Variants in CADM2 observed in about 807,000 individuals in gnomAD.
The protein encoded by CADM2 is cell adhesion molecule 2, also known as immunoglobulin superfamily member 4D.
In CADM2, 12 loss-of-function variants were observed where a neutral mutation model predicts 49.8. That is an observed-to-expected ratio of 0.24 (90% CI 0.15 to 0.39). The LOEUF is 0.39. Among genes scored for constraint, CADM2 ranks in the 10% least tolerant of loss-of-function variants. CADM2 has a pLI of 1.00. For synonymous variants in CADM2, 214 were observed against 175.4 expected (o/e 1.22, Z -1.74); for missense variants, 378 against 492.3 (o/e 0.77, Z 2.20).
In CADM2 at chr3:85,327,209, T is replaced by C. The variant is rs1275385877; in HGVS notation, c.61+367541T>C. ...GGGAGAATCATTGATGTCTCTCTCT[T>C]TATCTATATAAATATGTTAAACACA... On this transcript the variant is annotated intron_variant, in intron 1 of 9. Coordinates refer to ENST00000383699, the MANE Select transcript of CADM2 (RefSeq NM_001167675.2). Among the ~76,000 whole-genome samples the C allele has an allele frequency of 2.6e-5, 4 of 152,090 alleles. No homozygotes were observed. In the East Asian group the frequency reaches 7.7e-4, roughly 29 times the overall value.
intron 1 of CADM2, among the ~76,000 whole-genome samples, chr3:85,205,081 A>T (rs1369994778): frequency 6.7e-6 from 1 of 149,770 alleles, no homozygotes; most frequent in African/African-American, 2.5e-5. Flanking sequence ...GCAGTAGTGT[A>T]ATCGTGGCTC....
At chr3:85,297,995 G>A (rs187685661) in intron 1 of CADM2, among the ~76,000 whole-genome samples, 2 of 152,080 alleles carry the variant, frequency 1.3e-5, no homozygotes, top group Admixed American at 6.6e-5. Context: ...ATGAAGGTGG[G>A]CTTTATCCTG....
intron 1 of CADM2, among the ~76,000 whole-genome samples, chr3:85,161,580 A>T (rs2040325813): frequency 6.6e-6 from 1 of 151,862 alleles, no homozygotes; most frequent in Non-Finnish European, 1.5e-5. Context: ...TTAATGTATA[A>T]AAAAAAATGA....
At chr3:85,578,289 G>A (rs942019585) in intron 1 of CADM2, among the ~76,000 whole-genome samples, 7 of 152,108 alleles carry the variant, frequency 4.6e-5, no homozygotes, top group African/African-American at 1.7e-4. Context: ...TGAAGAGTGT[G>A]TTCTAAAATG....
chr3:85,166,123 G>C (rs1291031556), intron 1 of CADM2, among the ~76,000 whole-genome samples: 1 of 151,656 alleles, frequency 6.6e-6, no homozygotes, highest in Non-Finnish European at 1.5e-5. Flanking sequence ...AAAATCTGTA[G>C]TCCTGATAAC....
At chr3:85,649,536 C>T (rs776628056) in intron 1 of CADM2, among the ~76,000 whole-genome samples, 40 of 152,254 alleles carry the variant, frequency 2.6e-4, no homozygotes, top group Non-Finnish European at 5.4e-4. Flanking sequence ...ACCCAGACAA[C>T]TGTAATGTCA....
At chr3:85,400,463 T>C (rs1009681319) in intron 1 of CADM2, among the ~76,000 whole-genome samples, 1 of 152,206 alleles carries the variant, frequency 6.6e-6, no homozygotes, top group African/African-American at 2.4e-5. Context: ...ACTGGCCTCA[T>C]AAAATGAGTT....
intron 1 of CADM2, among the ~76,000 whole-genome samples, chr3:85,724,013 G>A (rs1390371726): frequency 6.6e-6 from 1 of 151,510 alleles, no homozygotes; most frequent in Non-Finnish European, 1.5e-5. Context: ...AAATAACTCA[G>A]TCTTAAAAAC....
At chr3:85,906,305 C>T (rs1016595338) in intron 5 of CADM2, among the ~76,000 whole-genome samples, 2 of 151,734 alleles carry the variant, frequency 1.3e-5, no homozygotes, top group African/African-American at 2.4e-5. Flanking sequence ...TGTAGATCTG[C>T]GAAATAACAT....
intron 1 of CADM2, among the ~76,000 whole-genome samples, chr3:85,171,878 AC>A (rs1040921124): frequency 2.0e-5 from 3 of 152,222 alleles, no homozygotes; most frequent in African/African-American, 7.2e-5. Context: ...TACATTATAT[AC>A]TGTACCAAAC....
intron 1 of CADM2, among the ~76,000 whole-genome samples, chr3:85,683,220 A>G (rs368085078): frequency 3.5e-5 from 5 of 142,222 alleles, no homozygotes; most frequent in Non-Finnish European, 8.1e-5. Context: ...TCTCTCTTGA[A>G]GGAAAAAAAA....
chr3:85,204,364 C>T (rs981740084), intron 1 of CADM2, among the ~76,000 whole-genome samples: 2 of 152,134 alleles, frequency 1.3e-5, no homozygotes, highest in African/African-American at 2.4e-5. Flanking sequence ...CCTTGCCACT[C>T]TACCCTTCAG....
intron 7 of CADM2, among the ~76,000 whole-genome samples, chr3:85,951,739 A>G (rs1267277322): frequency 6.6e-6 from 1 of 151,096 alleles, no homozygotes; most frequent in Non-Finnish European, 1.5e-5. Context: ...GCACACTTGC[A>G]TGATGACTTC....
intron 5 of CADM2, among the ~76,000 whole-genome samples, chr3:85,892,065 T>A (rs1714514989): frequency 6.6e-6 from 1 of 152,222 alleles, no homozygotes; most frequent in Non-Finnish European, 1.5e-5. Flanking sequence ...CCTTGAATAT[T>A]CTGATTCTAA....
intron 1 of CADM2, among the ~76,000 whole-genome samples, chr3:85,049,436 C>T (rs1350545910): frequency 1.3e-5 from 2 of 151,644 alleles, no homozygotes; most frequent in East Asian, 1.9e-4. Flanking sequence ...CTGCAAGCTC[C>T]GCCTCCCGGG....
At chr3:85,107,931 A>G (rs565903050) in intron 1 of CADM2, among the ~76,000 whole-genome samples, 61 of 151,938 alleles carry the variant, frequency 4.0e-4, no homozygotes, top group African/African-American at 1.4e-3. Context: ...CGAACTCCTG[A>G]CTTCAGGTGA....
chr3:85,208,102 A>G (rs2041694890), intron 1 of CADM2, among the ~76,000 whole-genome samples: 1 of 152,166 alleles, frequency 6.6e-6, no homozygotes. Context: ...AAGGCACTAA[A>G]TGTTAGCATC....
intron 1 of CADM2, among the ~76,000 whole-genome samples, chr3:85,051,888 C>T (rs893666872): frequency 4.6e-5 from 7 of 152,066 alleles, no homozygotes; most frequent in Non-Finnish European, 8.8e-5. Flanking sequence ...GCAAACTCCC[C>T]ACTGAGATAT....
Position 85,722,739 on chromosome 3 carries a change from G to A in CADM2, c.62-3783G>A, listed in dbSNP as rs1032543897. On this transcript the variant is annotated intron_variant, in intron 1 of 9. Coordinates refer to ENST00000383699, the MANE Select transcript of CADM2 (RefSeq NM_001167675.2). ...GCCAGAATAAAAGAATAGCAAAAAT[G>A]TGACTAGTCATATCAGTCTTGAGAC... is the stretch of plus-strand genomic sequence containing the variant. Among the ~76,000 whole-genome samples the A allele has an allele frequency of 2.5e-4, 38 of 152,144 alleles. 1 individual carries two copies. Among genetic ancestry groups the A allele is most frequent in the African/African-American group, 6.8e-4 (28 of 41,438 alleles).
Sources: allele counts gnomAD v4.1 joint callset (sites outside exome capture counted in the v4.1 genomes callset), GRCh38; gene constraint gnomAD v4.1.1; transcripts MANE v1.5; gene names NCBI Gene and HGNC (gene_info 2026-07-23, HGNC 2026-07-21).